Variants in SPSB1 observed in about 807,000 individuals in gnomAD.
SPSB1 encodes the protein splA/ryanodine receptor domain and SOCS box containing 1.
Under a neutral mutation model 21.2 loss-of-function variants are expected in SPSB1, and 8 were observed. The observed-to-expected ratio is 0.38, with a 90% CI of 0.22 to 0.68. The LOEUF (loss-of-function observed/expected upper bound fraction) is 0.68. Ranked by LOEUF, SPSB1 falls within the 30% of genes least tolerant of loss-of-function variation. The pLI is 0.53. For synonymous variants in SPSB1, 169 were observed against 161.7 expected (o/e 1.05, Z -0.34); for missense variants, 242 against 377.8 (o/e 0.64, Z 2.98).
chr1:9,302,051 G>A (rs926115211), intron 1 of SPSB1, among the ~76,000 whole-genome samples: 4 of 152,230 alleles, frequency 2.6e-5, no homozygotes, highest in African/African-American at 9.6e-5. Flanking sequence ...TCACAACCAA[G>A]GAAGTGTGGC....
chr1:9,364,903 G>A (rs752359028), intron 2 of SPSB1, among the ~76,000 whole-genome samples: 12 of 152,130 alleles, frequency 7.9e-5, no homozygotes, highest in Middle Eastern at 3.2e-3. Flanking sequence ...CCAGGCTGGA[G>A]TGCGATGGTG....
intron 2 of SPSB1, among the ~76,000 whole-genome samples, chr1:9,359,700 T>C (rs1238413384): frequency 9.4e-6 from 1 of 106,422 alleles, no homozygotes; most frequent in Non-Finnish European, 2.0e-5. Flanking sequence ...AGACTCCGTC[T>C]CTGGGAAAAA....
intron 1 of SPSB1, among the ~76,000 whole-genome samples, chr1:9,331,966 C>A (rs1639929366): frequency 6.6e-6 from 1 of 152,076 alleles, no homozygotes; most frequent in Non-Finnish European, 1.5e-5. Context: ...AATAAAAGGA[C>A]CAAAAACAAA....
In SPSB1 at chr1:9,367,088, C is replaced by T. The variant is rs1335333699; in HGVS notation, c.695-360C>T. Among the ~76,000 whole-genome samples the T allele has an allele frequency of 6.6e-6, 1 of 152,208 alleles. No homozygotes were observed. The highest frequency in any genetic ancestry group is 2.4e-5 in the African/African-American group (1 of 41,454). On this transcript the variant is annotated intron_variant, in intron 2 of 2. Transcript: ENST00000328089. The surrounding 1 kb of genome is among the most constrained non-coding windows in gnomAD (Gnocchi z 5.9). ...ATCGCCTGGGTTCGAATCCTAGCTG[C>T]ATCTCCTGCCAGCAGGGCGACCCCT...
At chr1:9,353,747 G>A (rs1489033325) in intron 1 of SPSB1, among the ~76,000 whole-genome samples, 9 of 151,912 alleles carry the variant, frequency 5.9e-5, no homozygotes, top group South Asian at 2.1e-4. Context: ...GGTGAAACCC[G>A]GCCTCTACTA....
chr1:9,322,144 C>T (rs560820944), intron 1 of SPSB1, among the ~76,000 whole-genome samples: 69 of 152,234 alleles, frequency 4.5e-4, no homozygotes, highest in Non-Finnish European at 7.5e-4. Context: ...TCCTGGTGGT[C>T]GAGGCTGGCT....
chr1:9,350,070 C>T (rs1027692900), intron 1 of SPSB1, among the ~76,000 whole-genome samples: 2 of 152,056 alleles, frequency 1.3e-5, no homozygotes, highest in Non-Finnish European at 2.9e-5. Context: ...AGACACACCA[C>T]ACACACAGAT....
chr1:9,353,791 G>A (rs1294025), intron 1 of SPSB1, among the ~76,000 whole-genome samples: 44 of 152,126 alleles, frequency 2.9e-4, no homozygotes, highest in African/African-American at 6.0e-4. Context: ...GGTGGTGGGC[G>A]CCTGTAATCC....
chr1:9,309,438 A>G (rs191503898), intron 1 of SPSB1, among the ~76,000 whole-genome samples: 2,056 of 151,964 alleles, frequency 0.014, 44 homozygotes, highest in African/African-American at 0.047. Flanking sequence ...CCACCTCAGC[A>G]TCCTGAGTAG....
rs1015450188 is a variant in SPSB1 at position 9,305,541 on chromosome 1, A to G, written c.-150+12470A>G. On this transcript the variant is annotated intron_variant, in intron 1 of 2. Coordinates refer to ENST00000328089, the MANE Select transcript of SPSB1 (RefSeq NM_025106.4). The surrounding 1 kb of genome is among the most constrained non-coding windows in gnomAD (Gnocchi z 4.8). ...GTAGGTAAGACCGGTGGCGTAGTGG[A>G]TCCTAGCAGGGTCTGGGAGAGCTCG... Among the ~76,000 whole-genome samples the G allele has an allele frequency of 1.3e-5, 2 of 152,086 alleles. No individual in the cohort carries two copies. The highest frequency in any genetic ancestry group is 4.8e-5 in the African/African-American group (2 of 41,402).
intron 1 of SPSB1, among the ~76,000 whole-genome samples, chr1:9,311,490 C>T (rs1639519215): frequency 6.6e-6 from 1 of 152,210 alleles, no homozygotes; most frequent in African/African-American, 2.4e-5. Context: ...CTGGTCTCTT[C>T]ACCATGCATG....
intron 2 of SPSB1, among the ~76,000 whole-genome samples, chr1:9,366,217 A>G (rs1459028845): frequency 6.6e-6 from 1 of 152,138 alleles, no homozygotes; most frequent in Non-Finnish European, 1.5e-5. Context: ...AGAGAGCCCC[A>G]TGTGCCTGGG....
intron 2 of SPSB1, among the ~76,000 whole-genome samples, chr1:9,366,106 C>T (rs1412068912): frequency 3.9e-5 from 6 of 152,240 alleles, no homozygotes; most frequent in Non-Finnish European, 7.3e-5. Flanking sequence ...CAAGGCTGGG[C>T]GCTCTGGGAA....
chr1:9,312,155 ATTTTAATT>A (rs540136171), intron 1 of SPSB1, among the ~76,000 whole-genome samples: 1,708 of 151,558 alleles, frequency 0.011, 31 homozygotes, highest in African/African-American at 0.038. Context: ...TTTTTATTTT[ATTTTAATT>A]TTTTAATTTT....
intron 1 of SPSB1, among the ~76,000 whole-genome samples, chr1:9,333,505 A>G (rs1050677412): frequency 1.3e-5 from 2 of 151,760 alleles, no homozygotes; most frequent in African/African-American, 4.8e-5. Context: ...TAATTTTTGT[A>G]TTTTTAGTAG....
intron 1 of SPSB1, among the ~76,000 whole-genome samples, chr1:9,319,444 C>A (rs750355773): frequency 4.6e-5 from 7 of 152,264 alleles, no homozygotes; most frequent in Admixed American, 1.3e-4. Context: ...TCTCCTCCCT[C>A]TAGGATCTCA....
At chr1:9,330,835 C>T (rs770088641) in intron 1 of SPSB1, among the ~76,000 whole-genome samples, 7 of 152,060 alleles carry the variant, frequency 4.6e-5, no homozygotes, top group Non-Finnish European at 1.0e-4. Flanking sequence ...GAGGAACCAC[C>T]CTACTGTGTC....
At chr1:9,315,402 T>C (rs1198385323) in intron 1 of SPSB1, among the ~76,000 whole-genome samples, 3 of 152,264 alleles carry the variant, frequency 2.0e-5, no homozygotes, top group Non-Finnish European at 4.4e-5. Context: ...ACAAAGCTTC[T>C]TGTGTCGTTG....
intron 1 of SPSB1, among the ~76,000 whole-genome samples, chr1:9,316,388 G>A (rs762450380): frequency 3.0e-4 from 45 of 152,170 alleles, no homozygotes; most frequent in Admixed American, 1.4e-3. Flanking sequence ...ATGTGTGCAC[G>A]TGTATTTATG....
Sources: allele counts gnomAD v4.1 joint callset (sites outside exome capture counted in the v4.1 genomes callset), GRCh38; gene constraint gnomAD v4.1.1; non-coding constraint Gnocchi (gnomAD v3.1); transcripts MANE v1.5; gene names NCBI Gene and HGNC (gene_info 2026-07-23, HGNC 2026-07-21).